Variants in DSE observed in about 807,000 individuals in gnomAD.
DSE encodes the protein dermatan sulfate epimerase.
DSE carries 36 observed loss-of-function variants against 84.4 expected under a neutral mutation model. The observed-to-expected ratio is 0.43, with a 90% confidence interval of 0.33 to 0.56. The LOEUF (loss-of-function observed/expected upper bound fraction) is 0.56, where lower values mean the gene tolerates loss of function less well. Among genes scored for constraint, DSE ranks in the 20% least tolerant of loss-of-function variants. The pLI, the probability that DSE is intolerant of heterozygous loss-of-function variation, is 0.06. For missense variants in DSE, 862 were observed against 1,169.6 expected (o/e 0.74, Z 3.84); for synonymous variants, 410 against 430.1 (o/e 0.95, Z 0.58).
rs1419440996 is a variant in DSE at position 116,431,141 on chromosome 6, C to T, written c.858C>T (p.Gly286=). 4.3e-6 allele frequency: 7 copies of T among 1,614,184 alleles called. No homozygotes were observed. Among genetic ancestry groups the T allele is most frequent in the Non-Finnish European group, 5.9e-6 (7 of 1,180,030 alleles). The change falls in exon 4 of 6, where the codon GGC becomes GGT. Residue 286 remains glycine, a synonymous_variant. Transcript: ENST00000644252. ...VQRHFNINHF[G]HPWLKQHFAF... Reference sequence around the variant, plus strand: ...GGCACTTCAACATCAACCACTTTGGCCATCCGTGGCTTAAACAACACTTTG... The same window carrying T: ...GGCACTTCAACATCAACCACTTTGGTCATCCGTGGCTTAAACAACACTTTG...
intron 2 of DSE, among the ~76,000 whole-genome samples, chr6:116,344,542 T>C (rs1777828487): frequency 1.7e-5 from 2 of 115,502 alleles, no homozygotes; most frequent in Middle Eastern, 7.6e-3. Flanking sequence ...CTAAGCTTCA[T>C]AAGTGAAGGA....
chr6:116,356,109 G>A (rs927712848), intron 2 of DSE, among the ~76,000 whole-genome samples: 1 of 152,172 alleles, frequency 6.6e-6, no homozygotes, highest in African/African-American at 2.4e-5. Context: ...CTGTAGATTG[G>A]TATGGACAGG....
chr6:116,327,099 A>G (rs573383004), intron 2 of DSE, among the ~76,000 whole-genome samples: 3 of 152,232 alleles, frequency 2.0e-5, no homozygotes, highest in Non-Finnish European at 4.4e-5. Flanking sequence ...AGGGGTCCAA[A>G]GATACTTAAC....
chr6:116,438,256 CTAAA>C lies in DSE; in HGVS notation c.*916_*919del, dbSNP rs1482632846. The C allele has an allele frequency of 1.3e-5, 2 of 152,280 alleles. No individual in the cohort carries two copies. The highest frequency in any genetic ancestry group is 4.8e-5 in the African/African-American group (2 of 41,382). The allele number at this position is 152,280 out of a possible 1,614,324, so 9.4% of individuals were successfully genotyped here. On this transcript the variant is annotated 3_prime_UTR_variant, in exon 6 of 6. Transcript: ENST00000644252. Reference sequence around the variant, plus strand: ...GAAAACCTTCTTCAAGTTTATTTTCCTAAATAAACATCATAATTGTGAATTTTCT... The same window carrying C: ...GAAAACCTTCTTCAAGTTTATTTTCCTAAACATCATAATTGTGAATTTTCT...
chr6:116,349,761 A>G (rs1193850519), intron 2 of DSE, among the ~76,000 whole-genome samples: 1 of 152,190 alleles, frequency 6.6e-6, no homozygotes. Flanking sequence ...GAGGGCAGAT[A>G]TGTGAGTAGC....
chr6:116,357,027 TA>T, intron 2 of DSE, among the ~76,000 whole-genome samples: 1 of 152,318 alleles, frequency 6.6e-6, no homozygotes, highest in South Asian at 2.1e-4. Flanking sequence ...GAGGCCTTAG[TA>T]TCTTTGCAAA....
rs543887142 is a variant in DSE, at chr6:116,398,561, T to C, written c.-53-637T>C. 6.6e-5 allele frequency among the ~76,000 whole-genome samples: 10 copies of C among 152,352 alleles called. No homozygotes were observed. In the South Asian group the frequency reaches 2.1e-3, roughly 32 times the overall value. On this transcript the variant is annotated intron_variant, in intron 1 of 5. Coordinates refer to ENST00000644252, the MANE Select transcript of DSE (RefSeq NM_013352.4). ...GGCACTGTGTTTGGTCTTCACTACA[T>C]GCTTGCTGATGTCAGCCCAGGAAAT...
In DSE at chr6:116,401,585, A is replaced by G. The variant is rs3798414; in HGVS notation, c.416+1919A>G. ...TTTGTTTTGGCAGGTACTATTATTA[A>G]GTTGTGTTGTTTAATAACTTCACAG... On this transcript the variant is annotated intron_variant, in intron 2 of 5. Coordinates refer to ENST00000644252, the MANE Select transcript of DSE (RefSeq NM_013352.4). Among the ~76,000 whole-genome samples the G allele has an allele frequency of 1.2e-4, 19 of 152,294 alleles. No individual in the cohort carries two copies. The East Asian group carries it at 3.7e-3, about 29-fold the overall frequency.
intron 2 of DSE, among the ~76,000 whole-genome samples, chr6:116,344,007 C>A (rs978197763): frequency 6.6e-6 from 1 of 151,850 alleles, no homozygotes; most frequent in African/African-American, 2.4e-5. Flanking sequence ...CTTCAGTAGC[C>A]GATTTGATCA....
intron 2 of DSE, among the ~76,000 whole-genome samples, chr6:116,284,372 TACTC>T (rs1773736784): frequency 6.6e-6 from 1 of 152,182 alleles, no homozygotes; most frequent in Admixed American, 6.5e-5. Context: ...ACCTTCGTGT[TACTC>T]AATAGGAAAC....
intron 2 of DSE, among the ~76,000 whole-genome samples, chr6:116,300,710 T>A (rs575426124): frequency 2.0e-5 from 3 of 152,226 alleles, no homozygotes; most frequent in Non-Finnish European, 4.4e-5. Context: ...ACCCTTTGAA[T>A]CTGAGTCCAA....
At chr6:116,265,100 TGCCATGCTAGCAGGC>T (rs978068967) in intron 2 of DSE, among the ~76,000 whole-genome samples, 8 of 152,134 alleles carry the variant, frequency 5.3e-5, no homozygotes, top group Middle Eastern at 3.4e-3. Flanking sequence ...TGCTAGCAGG[TGCCATGCTAGCAGGC>T]GCCATGCTAG....
At chr6:116,420,704 A>G (rs915258688) in intron 2 of DSE, among the ~76,000 whole-genome samples, 27 of 152,232 alleles carry the variant, frequency 1.8e-4, no homozygotes, top group Non-Finnish European at 3.1e-4. Context: ...GAACCTTGCA[A>G]TGTTAAATTT....
chr6:116,311,161 T>C (rs1273120216), intron 2 of DSE, among the ~76,000 whole-genome samples: 1 of 152,236 alleles, frequency 6.6e-6, no homozygotes, highest in Non-Finnish European at 1.5e-5. Context: ...CCAACATATC[T>C]AAAACAGCAC....
intron 2 of DSE, among the ~76,000 whole-genome samples, chr6:116,338,951 C>G (rs955565081): frequency 5.9e-5 from 9 of 152,200 alleles, no homozygotes; most frequent in Non-Finnish European, 1.0e-4. Context: ...AATAGCCAAA[C>G]AGTGTCCCAG....
chr6:116,309,125 T>A (rs1775515853), intron 2 of DSE, among the ~76,000 whole-genome samples: 1 of 152,202 alleles, frequency 6.6e-6, no homozygotes, highest in South Asian at 2.1e-4. Flanking sequence ...TATCTCATGA[T>A]GTTTTTATGA....
chr6:116,386,873 ATAG>A lies in DSE; in HGVS notation c.-53-12321_-53-12319del, dbSNP rs1467885490. Reference sequence around the variant, plus strand: ...CTAATATAACCCTTTCCCATTTAACATAGTAGATCCTTGAACATTGTATTAGTG... The same window carrying A: ...CTAATATAACCCTTTCCCATTTAACATAGATCCTTGAACATTGTATTAGTG... On this transcript the variant is annotated intron_variant, in intron 1 of 5. Transcript: ENST00000644252. Among the ~76,000 whole-genome samples the A allele has an allele frequency of 4.6e-5, 7 of 152,360 alleles. No individual in the cohort carries two copies. The East Asian group carries it at 1.3e-3, about 29-fold the overall frequency.
intron 1 of DSE, among the ~76,000 whole-genome samples, chr6:116,384,811 G>A (rs182053972): frequency 1.3e-5 from 2 of 152,220 alleles, no homozygotes; most frequent in African/African-American, 4.8e-5. Flanking sequence ...AGAAAGCAAA[G>A]TGCCCTCCTG....
chr6:116,339,314 C>CTT (rs59525124), intron 2 of DSE, among the ~76,000 whole-genome samples: 78 of 145,792 alleles, frequency 5.4e-4, no homozygotes, highest in East Asian at 4.4e-3. Context: ...TTCTTCCTTT[C>CTT]TTTTTTTTTT....
Sources: gnomAD v4.1 joint callset for allele counts (sites outside exome capture counted in the v4.1 genomes callset) on GRCh38, gnomAD v4.1.1 for gene constraint, MANE v1.5 for transcripts, NCBI Gene and HGNC (gene_info 2026-07-23, HGNC 2026-07-21) for gene names.